The following SLURP1 variants were observed in gnomAD, a reference collection of about 807,000 sequenced individuals.
The protein encoded by SLURP1 is secreted LY6/PLAUR domain containing 1.
A neutral mutation model predicts 7.9 loss-of-function variants in SLURP1; 2 were observed. The ratio of observed to expected loss-of-function variants is 0.25; its 90% CI spans 0.10 to 0.79. The LOEUF is 0.79. SLURP1 is among the 30% of genes least tolerant of loss of function. The probability of loss-of-function intolerance (pLI) is 0.69; values close to 1 mark genes in which losing one functional copy is unlikely to be tolerated. For missense variants in SLURP1, 111 were observed against 139.8 expected (o/e 0.79, Z 1.04); for synonymous variants, 59 against 54.9 (o/e 1.07, Z -0.33).
chr8:142,741,034 G>A lies in SLURP1; in HGVS notation c.*109C>T. The A allele has an allele frequency of 1.3e-6, 2 of 1,530,172 alleles. No individual in the cohort carries two copies. Among genetic ancestry groups the A allele is most frequent in the Non-Finnish European group, 1.8e-6 (2 of 1,121,962 alleles). 94.8% of individuals were successfully genotyped at this position (1,530,172 alleles called of 1,614,324 possible). ...GCTTCTCTCCCCTCAGACCCCATGA[G>A]TGAGCTGTGCCACAGCAGCAGGAAG... On this transcript the variant is annotated 3_prime_UTR_variant, in exon 3 of 3. Transcript: ENST00000246515. This position sits in a 1 kb window ranked among gnomAD's most constrained non-coding sequence, Gnocchi z 4.3.
In SLURP1 at chr8:142,741,846, T is replaced by C; in HGVS notation, c.135A>G (p.Pro45=). ...ASCRTITRCK[P]EDTACMTTLV... ...GCGTGGTCATGCAGGCTGTGTCCTCTGGCTTGCAGCGGGTAATGGTCCTGC... is the reference window on the plus strand; with the variant it reads ...GCGTGGTCATGCAGGCTGTGTCCTCCGGCTTGCAGCGGGTAATGGTCCTGC... Residue 45 remains proline, a synonymous_variant, in exon 2 of 3, where the codon CCA becomes CCG. Transcript: ENST00000246515. This position sits in a 1 kb window ranked among gnomAD's most constrained non-coding sequence, Gnocchi z 4.3. 6.2e-7 allele frequency: 1 copy of C among 1,613,244 alleles called. No homozygotes were observed.
In SLURP1 at chr8:142,741,168, C is replaced by G. The variant is rs139944345; in HGVS notation, c.287G>C (p.Arg96Pro). Residue 96 changes from arginine to proline, a missense_variant, in exon 3 of 3, where the codon CGA becomes CCA. Transcript: ENST00000246515. This position sits in a 1 kb window ranked among gnomAD's most constrained non-coding sequence, Gnocchi z 4.3. ...TCAGAGTTCCGAGTTGCAGAGGTCT[C>G]GGAAGCAGCAGAAGATCAGGTGGGC... The part of the protein sequence containing the change: ...GAAHLIFCCF[R>P]DLCNSEL The G allele has an allele frequency of 1.2e-6, 2 of 1,607,784 alleles. No individual in the cohort carries two copies. The highest frequency in any genetic ancestry group is 1.7e-6 in the Non-Finnish European group (2 of 1,179,954).
Position 142,741,728 on chromosome 8 carries a change from G to A in SLURP1, c.178+75C>T. On this transcript the variant is annotated intron_variant, in intron 2 of 2. Transcript: ENST00000246515. This position sits in a 1 kb window ranked among gnomAD's most constrained non-coding sequence, Gnocchi z 4.3. ...GCCTTTTGGGCCGGGAGGAGCACCA[G>A]CAAAGGAGGGAGGCACTTGGGGGAG... 6.3e-7 allele frequency: 1 copy of A among 1,597,122 alleles called. No individual in the cohort carries two copies. The highest frequency in any genetic ancestry group is 2.2e-5 in the East Asian group (1 of 44,814).
rs373353823 is a variant in SLURP1 at position 142,742,353 on chromosome 8, G to A, written c.33C>T (p.Leu11=). The part of the protein sequence containing the change: MASRWAVQLL[L]VAAWSMGCGE... Reference sequence around the variant, plus strand: ...CACAGCCCATGCTCCAGGCTGCCACGAGCAGCAGCTGCACAGCCCAGCGAG... The same window carrying A: ...CACAGCCCATGCTCCAGGCTGCCACAAGCAGCAGCTGCACAGCCCAGCGAG... The change falls in exon 1 of 3, where the codon CTC becomes CTT. Residue 11 remains leucine (L), a synonymous_variant. Transcript: ENST00000246515. The A allele has an allele frequency of 2.4e-5, 38 of 1,612,858 alleles. No homozygotes were observed. Among genetic ancestry groups the A allele is most frequent in the Non-Finnish European group, 2.8e-5 (33 of 1,180,028 alleles).
Position 142,741,951 on chromosome 8 carries a change from T to C in SLURP1, c.59-29A>G. 6.2e-7 allele frequency: 1 copy of C among 1,608,310 alleles called. No homozygotes were observed. Among genetic ancestry groups the C allele is most frequent in the South Asian group, 1.1e-5 (1 of 90,954 alleles). Reference sequence around the variant, plus strand: ...GGTGAGGGATGGGGGCAGAACCTCATCACCTGACCTCGGTGGCCTCATCCT... The same window carrying C: ...GGTGAGGGATGGGGGCAGAACCTCACCACCTGACCTCGGTGGCCTCATCCT... On this transcript the variant is annotated intron_variant, in intron 1 of 2. Transcript: ENST00000246515. The surrounding 1 kb of genome is among the most constrained non-coding windows in gnomAD (Gnocchi z 4.3).
At position 142,741,120 on chromosome 8, in the gene SLURP1, C is replaced by G; in HGVS notation, c.*23G>C. The G allele has an allele frequency of 6.2e-7, 1 of 1,601,124 alleles. No individual in the cohort carries two copies. The highest frequency in any genetic ancestry group is 8.5e-7 in the Non-Finnish European group (1 of 1,179,878). On this transcript the variant is annotated 3_prime_UTR_variant, in exon 3 of 3. Coordinates refer to ENST00000246515, the MANE Select transcript of SLURP1 (RefSeq NM_020427.3). This position sits in a 1 kb window ranked among gnomAD's most constrained non-coding sequence, Gnocchi z 4.3. ...TCAGAGAGGAGGTGCCTGAGGAGCACCTTCCGCCCTGCCGCCCTGGGTTCA... is the reference window on the plus strand; with the variant it reads ...TCAGAGAGGAGGTGCCTGAGGAGCAGCTTCCGCCCTGCCGCCCTGGGTTCA...
At position 142,741,717 on chromosome 8, in the gene SLURP1, G is replaced by T; in HGVS notation, c.178+86C>A. The T allele has an allele frequency of 1.3e-6, 2 of 1,592,458 alleles. No individual in the cohort carries two copies. Among genetic ancestry groups the T allele is most frequent in the Non-Finnish European group, 1.7e-6 (2 of 1,175,018 alleles). ...TCCCACCTGCTGCCTTTTGGGCCGG[G>T]AGGAGCACCAGCAAAGGAGGGAGGC... On this transcript the variant is annotated intron_variant, in intron 2 of 2. Transcript: ENST00000246515. The surrounding 1 kb of genome is among the most constrained non-coding windows in gnomAD (Gnocchi z 4.3).
chr8:142,741,064 G>A lies in SLURP1; in HGVS notation c.*79C>T, dbSNP rs1815855781. 3.8e-6 allele frequency: 6 copies of A among 1,587,694 alleles called. No individual in the cohort carries two copies. Among genetic ancestry groups the A allele is most frequent in the Non-Finnish European group, 5.1e-6 (6 of 1,170,656 alleles). On this transcript the variant is annotated 3_prime_UTR_variant, in exon 3 of 3. Transcript: ENST00000246515. The surrounding 1 kb of genome is among the most constrained non-coding windows in gnomAD (Gnocchi z 4.3). ...CTGTGCCACAGCAGCAGGAAGCAGGGGGAGGTGATCACAGGTGGAGCCAGG... is the reference window on the plus strand; with the variant it reads ...CTGTGCCACAGCAGCAGGAAGCAGGAGGAGGTGATCACAGGTGGAGCCAGG...
At chr8:142,742,285 CA>C in intron 1 of SLURP1, 42 bp downstream of exon 1, 1 of 1,606,552 alleles carries the variant, frequency 6.2e-7, no homozygotes, top group Non-Finnish European at 8.5e-7. Context: ...GGTGGGCAGA[CA>C]AGCTCAGAGG....
In SLURP1 at chr8:142,741,325, C is replaced by T. The variant is rs113250740; in HGVS notation, c.179-49G>A. On this transcript the variant is annotated intron_variant, in intron 2 of 2. Transcript: ENST00000246515. The surrounding 1 kb of genome is among the most constrained non-coding windows in gnomAD (Gnocchi z 4.3). ...ACCCTCACTCCCCTGCAGCGCCTGC[C>T]TGCTGCTGCACTGCTCCCAGCCGCC... The T allele has an allele frequency of 5.2e-6, 8 of 1,539,736 alleles. No homozygotes were observed. Among genetic ancestry groups the T allele is most frequent in the African/African-American group, 4.1e-5 (3 of 73,422 alleles).
rs748747488 is a variant in SLURP1 at position 142,741,166 on chromosome 8, C to T, written c.289G>A (p.Asp97Asn). 3 of 1,607,646 alleles carry T rather than the reference C, an allele frequency of 1.9e-6. No individual in the cohort carries two copies. The highest frequency in any genetic ancestry group is 2.5e-6 in the Non-Finnish European group (3 of 1,179,962). ...AAHLIFCCFR[D>N]LCNSEL ...GTTCAGAGTTCCGAGTTGCAGAGGT[C>T]TCGGAAGCAGCAGAAGATCAGGTGG... Residue 97 changes from aspartate to asparagine, a missense_variant, in exon 3 of 3, where the codon GAC (aspartate) becomes AAC (asparagine). By Grantham distance (23) the Asp-to-Asn change is conservative. Transcript: ENST00000246515. The surrounding 1 kb of genome is among the most constrained non-coding windows in gnomAD (Gnocchi z 4.3).
At position 142,742,376 on chromosome 8, in the gene SLURP1, G is replaced by A. The variant is rs267601807; in HGVS notation, c.10C>T (p.Arg4Cys). 2.5e-5 allele frequency: 40 copies of A among 1,612,988 alleles called. No individual in the cohort carries two copies. The highest frequency in any genetic ancestry group is 1.6e-4 in the Middle Eastern group (1 of 6,062). The change falls in exon 1 of 3, where the codon CGC (arginine) becomes TGC (cysteine). Residue 4 changes from arginine (R) to cysteine (C), a missense_variant. Arg to Cys is a radical substitution (Grantham distance 180, BLOSUM62 -3). Coordinates refer to ENST00000246515, the MANE Select transcript of SLURP1 (RefSeq NM_020427.3). The stretch of plus-strand genomic sequence containing the variant: ...ACGAGCAGCAGCTGCACAGCCCAGC[G>A]AGAGGCCATTGCTCCGTGCTCAGAA... Reference protein sequence around the residue: MASRWAVQLLLVAA... With the variant: MASCWAVQLLLVAA...
rs201958030 is a variant in SLURP1, at chr8:142,741,863, T to C, written c.118A>G (p.Ile40Val). ...EPMTSASCRT[I>V]TRCKPEDTAC... ...GTGTCCTCTGGCTTGCAGCGGGTAA[T>C]GGTCCTGCAGGAAGCACTGGTCATG... Residue 40 changes from isoleucine (I) to valine (V), a missense_variant, in exon 2 of 3, where the codon ATT (isoleucine) becomes GTT (valine). By Grantham distance (29) the Ile-to-Val change is conservative. Coordinates refer to ENST00000246515, the MANE Select transcript of SLURP1 (RefSeq NM_020427.3). This position sits in a 1 kb window ranked among gnomAD's most constrained non-coding sequence, Gnocchi z 4.3. The C allele has an allele frequency of 9.9e-5, 159 of 1,613,258 alleles. No homozygotes were observed. The highest frequency in any genetic ancestry group is 5.3e-4 in the South Asian group (48 of 91,078).
chr8:142,741,676 C>T lies in SLURP1; in HGVS notation c.178+127G>A. The T allele has an allele frequency of 1.4e-6, 2 of 1,472,744 alleles. No individual in the cohort carries two copies. Among genetic ancestry groups the T allele is most frequent in the Non-Finnish European group, 1.9e-6 (2 of 1,078,254 alleles). The allele number at this position is 1,472,744 out of a possible 1,614,324, so 91.2% of individuals were successfully genotyped here. ...GGAAGGCACCCCTGCCAAGGTGTGG[C>T]AGCCTGTTCTGCCCATCCCACCTGC... On this transcript the variant is annotated intron_variant, in intron 2 of 2. Coordinates refer to ENST00000246515, the MANE Select transcript of SLURP1 (RefSeq NM_020427.3). The surrounding 1 kb of genome is among the most constrained non-coding windows in gnomAD (Gnocchi z 4.3).
In SLURP1 at chr8:142,741,864, G is replaced by A. The variant is rs200714490; in HGVS notation, c.117C>T (p.Thr39=). The change falls in exon 2 of 3, where the codon ACC becomes ACT. Residue 39 remains threonine (T), a synonymous_variant. Coordinates refer to ENST00000246515, the MANE Select transcript of SLURP1 (RefSeq NM_020427.3). This position sits in a 1 kb window ranked among gnomAD's most constrained non-coding sequence, Gnocchi z 4.3. The part of the protein sequence containing the change: ...KEPMTSASCR[T]ITRCKPEDTA... ...TGTCCTCTGGCTTGCAGCGGGTAATGGTCCTGCAGGAAGCACTGGTCATGG... is the reference window on the plus strand; with the variant it reads ...TGTCCTCTGGCTTGCAGCGGGTAATAGTCCTGCAGGAAGCACTGGTCATGG... The A allele has an allele frequency of 3.2e-5, 51 of 1,613,270 alleles. No homozygotes were observed. The African/African-American group carries it at 6.3e-4, about 20-fold the overall frequency.
rs747651302 is a variant in SLURP1 at position 142,741,765 on chromosome 8, T to G, written c.178+38A>C. On this transcript the variant is annotated intron_variant, in intron 2 of 2. Coordinates refer to ENST00000246515, the MANE Select transcript of SLURP1 (RefSeq NM_020427.3). This position sits in a 1 kb window ranked among gnomAD's most constrained non-coding sequence, Gnocchi z 4.3. ...GGCACTTGGGGGAGGTGGCCCTGAC[T>G]CCAGTGCACCCAGGGCTGCCGTGGG... The G allele has an allele frequency of 6.2e-7, 1 of 1,605,154 alleles. No individual in the cohort carries two copies. The highest frequency in any genetic ancestry group is 1.3e-5 in the African/African-American group (1 of 74,884).
In SLURP1 at chr8:142,741,933, G is replaced by A; in HGVS notation, c.59-11C>T. The A allele has an allele frequency of 6.2e-7, 1 of 1,610,980 alleles. No individual in the cohort carries two copies. Among genetic ancestry groups the A allele is most frequent in the Non-Finnish European group, 8.5e-7 (1 of 1,179,948 alleles). On this transcript the variant is annotated splice_polypyrimidine_tract_variant and intron_variant, in intron 1 of 2. Coordinates refer to ENST00000246515, the MANE Select transcript of SLURP1 (RefSeq NM_020427.3). This position sits in a 1 kb window ranked among gnomAD's most constrained non-coding sequence, Gnocchi z 4.3. ...ACTTGAGGGCCTCACCTGGGTGAGG[G>A]ATGGGGGCAGAACCTCATCACCTGA...
rs1270220437 is a variant in SLURP1, at chr8:142,741,904, T to C, written c.77A>G (p.Tyr26Cys). 2.5e-6 allele frequency: 4 copies of C among 1,612,606 alleles called. No individual in the cohort carries two copies. Among genetic ancestry groups the C allele is most frequent in the Non-Finnish European group, 3.4e-6 (4 of 1,179,954 alleles). Reference protein sequence around the residue: ...SMGCGEALKCYTCKEPMTSAS... With the variant: ...SMGCGEALKCCTCKEPMTSAS... ...ACTGGTCATGGGCTCCTTGCAGGTG[T>C]AGCACTTGAGGGCCTCACCTGGGTG... is the stretch of plus-strand genomic sequence containing the variant. The change falls in exon 2 of 3, where the codon TAC (tyrosine) becomes TGC (cysteine). Residue 26 changes from tyrosine to cysteine, a missense_variant. Coordinates refer to ENST00000246515, the MANE Select transcript of SLURP1 (RefSeq NM_020427.3). The surrounding 1 kb of genome is among the most constrained non-coding windows in gnomAD (Gnocchi z 4.3).
intron 1 of SLURP1, 86 bp from the exon 2 acceptor site, chr8:142,742,008 G>T: frequency 1.3e-6 from 2 of 1,583,218 alleles, no homozygotes; most frequent in South Asian, 1.1e-5. Context: ...AAGGAGTCTC[G>T]CTGACATCTT....
Sources: allele counts gnomAD v4.1 joint callset, GRCh38; gene constraint gnomAD v4.1.1; non-coding constraint Gnocchi (gnomAD v3.1); transcripts MANE v1.5; gene names NCBI Gene and HGNC (gene_info 2026-07-23, HGNC 2026-07-21).